DLG2: variants seen among roughly 807,000 people sequenced by gnomAD.
DLG2 encodes the protein discs large MAGUK scaffold protein 2.
DLG2 carries 45 observed loss-of-function variants against 132.5 expected under a neutral mutation model. The ratio of observed to expected loss-of-function variants is 0.34; its 90% CI spans 0.27 to 0.44. The LOEUF (loss-of-function observed/expected upper bound fraction) is 0.44, where lower values mean the gene tolerates loss of function less well. Ranked by LOEUF, DLG2 falls within the 20% of genes least tolerant of loss-of-function variation. DLG2 has a pLI of 1.00. For missense variants in DLG2, 1,045 were observed against 1,196.9 expected (o/e 0.87, Z 1.87); for synonymous variants, 424 against 419.6 (o/e 1.01, Z -0.13).
At chr11:85,543,207 A>G (rs895490954) in intron 3 of DLG2, among the ~76,000 whole-genome samples, 1 of 151,590 alleles carries the variant, frequency 6.6e-6, no homozygotes, top group South Asian at 2.1e-4. Context: ...TCATCGTTCA[A>G]CTCCGACTTA....
intron 6 of DLG2, among the ~76,000 whole-genome samples, chr11:84,816,514 T>C (rs972839513): frequency 6.6e-6 from 1 of 151,998 alleles, no homozygotes; most frequent in Non-Finnish European, 1.5e-5. Context: ...TTTTGATTCA[T>C]AGAATGGTTA....
intron 6 of DLG2, among the ~76,000 whole-genome samples, chr11:84,800,084 G>A (rs867626218): frequency 1.6e-4 from 24 of 152,180 alleles, no homozygotes; most frequent in African/African-American, 4.1e-4. Flanking sequence ...CAAAGGATCA[G>A]GTTTTACCCT....
chr11:84,293,232 A>G (rs1294500571), intron 7 of DLG2, among the ~76,000 whole-genome samples: 3 of 152,100 alleles, frequency 2.0e-5, no homozygotes, highest in African/African-American at 7.2e-5. Context: ...GGAGGCAAAA[A>G]GCCAGTTAAA....
At chr11:84,925,228 A>G (rs1220738407) in intron 6 of DLG2, among the ~76,000 whole-genome samples, 2 of 152,166 alleles carry the variant, frequency 1.3e-5, no homozygotes, top group Non-Finnish European at 2.9e-5. Context: ...ACCAAAAAGA[A>G]CTGGAAAATG....
At chr11:84,825,418 A>G (rs2078214162) in intron 6 of DLG2, among the ~76,000 whole-genome samples, 1 of 151,924 alleles carries the variant, frequency 6.6e-6, no homozygotes, top group South Asian at 2.1e-4. Context: ...TTGACTTAAT[A>G]AGATCCTTTT....
At position 85,230,600 on chromosome 11, in the gene DLG2, C is replaced by T. The variant is rs1001542225; in HGVS notation, c.186+54620G>A. ...AGTCAGCAGCATTCTTCATAATTCC[C>T]AGTTTATTATAAGACTTAATCTGAC... On this transcript the variant is annotated intron_variant, in intron 4 of 27. Coordinates refer to ENST00000376104, the MANE Select transcript of DLG2 (RefSeq NM_001142699.3). Among the ~76,000 whole-genome samples the T allele has an allele frequency of 2.6e-5, 4 of 151,718 alleles. No individual in the cohort carries two copies. In the East Asian group the frequency reaches 5.8e-4, roughly 22 times the overall value.
At chr11:83,811,936 G>A (rs2047407825) in intron 17 of DLG2, among the ~76,000 whole-genome samples, 1 of 152,116 alleles carries the variant, frequency 6.6e-6, no homozygotes, top group African/African-American at 2.4e-5. Flanking sequence ...GTGTGTAGAA[G>A]TGTGAGAGAA....
intron 6 of DLG2, among the ~76,000 whole-genome samples, chr11:84,861,014 T>C (rs1179144173): frequency 6.6e-6 from 1 of 152,116 alleles, no homozygotes; most frequent in Non-Finnish European, 1.5e-5. Context: ...TGCTAGGGAC[T>C]TTTAAGGAGC....
chr11:84,103,385 T>A (rs571992396), intron 9 of DLG2, among the ~76,000 whole-genome samples: 1 of 152,060 alleles, frequency 6.6e-6, no homozygotes, highest in Non-Finnish European at 1.5e-5. Flanking sequence ...CAGCAATCTC[T>A]CCATGTGAAC....
intron 8 of DLG2, among the ~76,000 whole-genome samples, chr11:84,220,956 GTT>G (rs376056448): frequency 1.6e-5 from 2 of 125,808 alleles, no homozygotes; most frequent in Admixed American, 7.9e-5. Flanking sequence ...CCCAGCTGAT[GTT>G]TTTTTTTTTT....
intron 5 of DLG2, among the ~76,000 whole-genome samples, chr11:85,150,839 G>A (rs968184448): frequency 6.6e-6 from 1 of 150,992 alleles, no homozygotes; most frequent in African/African-American, 2.4e-5. Context: ...GATGACCATG[G>A]CTGTGTAAAT....
chr11:84,356,897 AG>A (rs1351950224), intron 7 of DLG2, among the ~76,000 whole-genome samples: 2 of 152,048 alleles, frequency 1.3e-5, no homozygotes, highest in Non-Finnish European at 2.9e-5. Flanking sequence ...GAATATTTGG[AG>A]GGGACTATTC....
At chr11:85,438,404 T>C (rs146664310) in intron 3 of DLG2, among the ~76,000 whole-genome samples, 1 of 152,206 alleles carries the variant, frequency 6.6e-6, no homozygotes, top group African/African-American at 2.4e-5. Context: ...GGAATATTCA[T>C]GCCCTGATAT....
chr11:84,202,746 T>C (rs2096613106), intron 8 of DLG2, among the ~76,000 whole-genome samples: 1 of 152,124 alleles, frequency 6.6e-6, no homozygotes, highest in Admixed American at 6.6e-5. Context: ...ATCCAGCATC[T>C]ACAAGGAACT....
At chr11:84,790,123 T>C (rs1598202338) in intron 6 of DLG2, among the ~76,000 whole-genome samples, 1 of 152,210 alleles carries the variant, frequency 6.6e-6, no homozygotes, top group Non-Finnish European at 1.5e-5. Flanking sequence ...TGCTGGATTA[T>C]ATGGTAGCTC....
chr11:83,477,564 C>T (rs79504845), intron 22 of DLG2, among the ~76,000 whole-genome samples: 8,119 of 152,080 alleles, frequency 0.053, 267 homozygotes, highest in South Asian at 0.11. Flanking sequence ...CTCCAGGATA[C>T]AGTGTGAATG....
At chr11:83,664,503 GC>G (rs1208430092) in intron 18 of DLG2, among the ~76,000 whole-genome samples, 2 of 151,966 alleles carry the variant, frequency 1.3e-5, no homozygotes, top group East Asian at 3.9e-4. Context: ...GAGTTGGGTG[GC>G]TTTTGTACAC....
At chr11:84,253,387 AG>A (rs1312256267) in intron 7 of DLG2, among the ~76,000 whole-genome samples, 1 of 152,210 alleles carries the variant, frequency 6.6e-6, no homozygotes, top group Non-Finnish European at 1.5e-5. Flanking sequence ...CTTTCCAAAA[AG>A]GTTGAAGATC....
intron 18 of DLG2, among the ~76,000 whole-genome samples, chr11:83,736,493 G>T (rs1237617560): frequency 6.6e-6 from 1 of 152,010 alleles, no homozygotes; most frequent in African/African-American, 2.4e-5. Flanking sequence ...TTCTTGGCAA[G>T]ATTGGCTATT....
Sources: gnomAD v4.1 joint callset for allele counts (sites outside exome capture counted in the v4.1 genomes callset) on GRCh38, gnomAD v4.1.1 for gene constraint, MANE v1.5 for transcripts, NCBI Gene and HGNC (gene_info 2026-07-23, HGNC 2026-07-21) for gene names.